The following SPOCK3 variants were observed in gnomAD, a reference collection of about 807,000 sequenced individuals.
SPOCK3 encodes testican-3.
In SPOCK3, 30 loss-of-function variants were observed where a neutral mutation model predicts 56.6. The ratio of observed to expected loss-of-function variants is 0.53; its 90% CI spans 0.40 to 0.72. SPOCK3 has a LOEUF of 0.72. SPOCK3 is among the 30% of genes least tolerant of loss of function. The probability of loss-of-function intolerance (pLI) is 0.00; values close to 1 mark genes in which losing one functional copy is unlikely to be tolerated. For synonymous variants in SPOCK3, 196 were observed against 183.3 expected (o/e 1.07, Z -0.56); for missense variants, 527 against 530.0 (o/e 0.99, Z 0.06).
At chr4:166,792,761 G>A (rs967572927) in intron 6 of SPOCK3, among the ~76,000 whole-genome samples, 1 of 151,910 alleles carries the variant, frequency 6.6e-6, no homozygotes, top group Non-Finnish European at 1.5e-5. Context: ...AATATATACT[G>A]TTCCTATTTG....
At chr4:166,850,760 G>A (rs1005970368) in intron 6 of SPOCK3, among the ~76,000 whole-genome samples, 6 of 152,214 alleles carry the variant, frequency 3.9e-5, no homozygotes, top group East Asian at 1.9e-4. Context: ...CTTTTCCGAC[G>A]GGCTTAAAAA....
intron 6 of SPOCK3, among the ~76,000 whole-genome samples, chr4:166,856,201 G>A (rs2126889593): frequency 6.6e-6 from 1 of 152,102 alleles, no homozygotes; most frequent in Non-Finnish European, 1.5e-5. Context: ...GGAGTGGGTA[G>A]AAATAGGGGA....
intron 2 of SPOCK3, among the ~76,000 whole-genome samples, chr4:167,134,533 T>C (rs1762960866): frequency 6.6e-6 from 1 of 152,206 alleles, no homozygotes; most frequent in Non-Finnish European, 1.5e-5. Flanking sequence ...TAGTTATTCA[T>C]ATTATGGCTT....
chr4:167,048,801 T>G (rs1444144499), intron 3 of SPOCK3, among the ~76,000 whole-genome samples: 1 of 152,196 alleles, frequency 6.6e-6, no homozygotes, highest in East Asian at 1.9e-4. Context: ...TTCATTTTTA[T>G]TTATCCTTGT....
At chr4:167,177,188 T>C (rs1731058809) in intron 2 of SPOCK3, among the ~76,000 whole-genome samples, 1 of 151,900 alleles carries the variant, frequency 6.6e-6, no homozygotes, top group Admixed American at 6.6e-5. Context: ...CTGAGTAACC[T>C]GAGAGCAGGG....
At chr4:166,769,237 C>A (rs6844868) in intron 7 of SPOCK3, among the ~76,000 whole-genome samples, 1 of 151,944 alleles carries the variant, frequency 6.6e-6, no homozygotes, top group Non-Finnish European at 1.5e-5. Context: ...GGAGGAGCTG[C>A]GTTCCTTTGG....
chr4:167,003,392 TTTAGTAG>T (rs1344701399), intron 3 of SPOCK3, among the ~76,000 whole-genome samples: 1 of 152,192 alleles, frequency 6.6e-6, no homozygotes, highest in African/African-American at 2.4e-5. Flanking sequence ...ATCTGTATTT[TTTAGTAG>T]AACTCACATT....
intron 2 of SPOCK3, among the ~76,000 whole-genome samples, chr4:167,230,654 G>A (rs113401337): frequency 6.6e-6 from 1 of 151,882 alleles, no homozygotes; most frequent in East Asian, 1.9e-4. Flanking sequence ...ATGTTTAAAT[G>A]TGTTGACTTT....
intron 3 of SPOCK3, among the ~76,000 whole-genome samples, chr4:167,026,408 A>T (rs950211074): frequency 2.0e-5 from 3 of 152,078 alleles, no homozygotes; most frequent in Admixed American, 2.0e-4. Flanking sequence ...AGTATTAAGG[A>T]TAGTAACATA....
At chr4:166,975,678 G>C (rs568093078) in intron 4 of SPOCK3, among the ~76,000 whole-genome samples, 1 of 152,008 alleles carries the variant, frequency 6.6e-6, no homozygotes, top group South Asian at 2.1e-4. Flanking sequence ...ATCCTTCCCA[G>C]CCTCTGGTAA....
chr4:167,164,001 A>C (rs1048096450), intron 2 of SPOCK3, among the ~76,000 whole-genome samples: 12 of 152,232 alleles, frequency 7.9e-5, no homozygotes, highest in African/African-American at 2.6e-4. Flanking sequence ...AAATCTTGGA[A>C]ATTTTATTTG....
At chr4:167,075,373 C>A (rs536505535) in intron 2 of SPOCK3, among the ~76,000 whole-genome samples, 1 of 151,866 alleles carries the variant, frequency 6.6e-6, no homozygotes, top group Admixed American at 6.6e-5. Context: ...CCATCCTACT[C>A]GGGTTACAGA....
In SPOCK3 at chr4:167,211,489, C is replaced by A. The variant is rs563912907; in HGVS notation, c.189+22496G>T. ...GGCTGTGTCCCCACCTAAATCTCAT[C>A]TTGAATTCCCATGTGATGTGGGAGG... is the stretch of plus-strand genomic sequence containing the variant. On this transcript the variant is annotated intron_variant, in intron 2 of 10. Coordinates refer to ENST00000357545, the MANE Select transcript of SPOCK3 (RefSeq NM_001040159.2). Among the ~76,000 whole-genome samples, 8 of 152,252 alleles carry A rather than the reference C, an allele frequency of 5.3e-5. 1 individual carries two copies. The South Asian group carries it at 1.5e-3, about 28-fold the overall frequency.
At chr4:167,074,682 T>C (rs776196464) in intron 2 of SPOCK3, among the ~76,000 whole-genome samples, 2 of 151,956 alleles carry the variant, frequency 1.3e-5, no homozygotes, top group Admixed American at 6.6e-5. Context: ...CACAAAAGCA[T>C]GAATACCAGA....
At chr4:166,997,416 C>G (rs774707390) in intron 4 of SPOCK3, among the ~76,000 whole-genome samples, 1 of 152,082 alleles carries the variant, frequency 6.6e-6, no homozygotes, top group Non-Finnish European at 1.5e-5. Context: ...TTGACTGATG[C>G]CTATACCCTT....
At chr4:167,147,897 G>T (rs1422420288) in intron 2 of SPOCK3, among the ~76,000 whole-genome samples, 1 of 151,852 alleles carries the variant, frequency 6.6e-6, no homozygotes, top group Non-Finnish European at 1.5e-5. Flanking sequence ...TCCATGGCAC[G>T]TGTATACCTA....
At chr4:166,942,175 A>G (rs1741148258) in intron 4 of SPOCK3, among the ~76,000 whole-genome samples, 1 of 152,098 alleles carries the variant, frequency 6.6e-6, no homozygotes, top group African/African-American at 2.4e-5. Flanking sequence ...ATTTGAGTAT[A>G]GGTCACTCGG....
At chr4:167,140,866 G>T (rs1418752412) in intron 2 of SPOCK3, among the ~76,000 whole-genome samples, 2 of 151,938 alleles carry the variant, frequency 1.3e-5, no homozygotes, top group African/African-American at 4.8e-5. Context: ...TTTAAAGAGG[G>T]TGCTATTTAA....
At chr4:166,828,011 T>C (rs1387392720) in intron 6 of SPOCK3, among the ~76,000 whole-genome samples, 2 of 152,124 alleles carry the variant, frequency 1.3e-5, no homozygotes, top group African/African-American at 4.8e-5. Context: ...AATTGTTATT[T>C]AAAAGAAAAT....
Sources: allele counts gnomAD v4.1 joint callset (sites outside exome capture counted in the v4.1 genomes callset), GRCh38; gene constraint gnomAD v4.1.1; transcripts MANE v1.5; gene names NCBI Gene and HGNC (gene_info 2026-07-23, HGNC 2026-07-21).